PDZD2: variants seen among roughly 807,000 people sequenced by gnomAD.
PDZD2 encodes PDZ domain containing 2.
In PDZD2, 90 loss-of-function variants were observed where a neutral mutation model predicts 220.7. The ratio of observed to expected loss-of-function variants is 0.41; its 90% confidence interval spans 0.34 to 0.49. PDZD2 has a LOEUF of 0.49. Ranked by LOEUF, PDZD2 falls within the 20% of genes least tolerant of loss-of-function variation. The probability of loss-of-function intolerance (pLI) is 0.28; values close to 1 mark genes in which losing one functional copy is unlikely to be tolerated. For synonymous variants in PDZD2, 1,375 were observed against 1,450.5 expected (o/e 0.95, Z 1.18); for missense variants, 3,174 against 3,608.5 (o/e 0.88, Z 3.08).
rs1051556531 is a variant in PDZD2, at chr5:31,757,319, C to T, written c.-360-41570C>T. 2.0e-5 allele frequency among the ~76,000 whole-genome samples: 3 copies of T among 151,790 alleles called. No homozygotes were observed. The East Asian group carries it at 5.8e-4, about 30-fold the overall frequency. On this transcript the variant is annotated intron_variant, in intron 1 of 24. Coordinates refer to ENST00000438447, the MANE Select transcript of PDZD2 (RefSeq NM_178140.4). ...AAACAAACAAATAAAAGGCCAGGCA[C>T]GGTGGCTCACGCCGGTAATCCCAGC...
At position 31,849,887 on chromosome 5, in the gene PDZD2, TAC is replaced by T. The variant is rs201045110; in HGVS notation, c.476+50167_476+50168del. On this transcript the variant is annotated intron_variant, in intron 2 of 24. Coordinates refer to ENST00000438447, the MANE Select transcript of PDZD2 (RefSeq NM_178140.4). ...ATATATATACATATATATATATATA[TAC>T]ACATATATATATATACATATATATA... Among the ~76,000 whole-genome samples, 15 of 42,356 alleles carry T rather than the reference TAC, an allele frequency of 3.5e-4. 3 individuals are homozygous for T. Among genetic ancestry groups the T allele is most frequent in the African/African-American group, 2.0e-3 (11 of 5,490 alleles). The allele number at this position is 42,356 out of a possible 152,430, so 27.8% of individuals were successfully genotyped here.
chr5:31,679,793 G>T (rs1746581897), intron 1 of PDZD2, among the ~76,000 whole-genome samples: 2 of 152,202 alleles, frequency 1.3e-5, no homozygotes, highest in South Asian at 4.1e-4. Flanking sequence ...TTACAGGCAT[G>T]AGCCACCATG....
At chr5:32,032,003 C>T (rs1297957356) in intron 6 of PDZD2, among the ~76,000 whole-genome samples, 1 of 152,196 alleles carries the variant, frequency 6.6e-6, no homozygotes, top group Non-Finnish European at 1.5e-5. Flanking sequence ...TTGAGCAGAA[C>T]AAGTTTCCAT....
intron 1 of PDZD2, among the ~76,000 whole-genome samples, chr5:31,778,027 G>A (rs1228532085): frequency 6.6e-6 from 1 of 152,122 alleles, no homozygotes; most frequent in Non-Finnish European, 1.5e-5. Flanking sequence ...CTCGGGGATT[G>A]TAAACGCACC....
chr5:31,817,327 C>G (rs945366963), intron 2 of PDZD2, among the ~76,000 whole-genome samples: 2 of 151,840 alleles, frequency 1.3e-5, no homozygotes, highest in South Asian at 4.2e-4. Context: ...AACCCTGTCT[C>G]TACTAAAAAT....
At position 32,087,556 on chromosome 5, in the gene PDZD2, C is replaced by A; in HGVS notation, c.4108C>A (p.Pro1370Thr). The A allele has an allele frequency of 6.2e-7, 1 of 1,613,876 alleles. No individual in the cohort carries two copies. ...TCTGGAAATGACAGGAATCCATGCACCTGAAAGCTCCCAGGAGCCTTCCCT... is the reference window on the plus strand; with the variant it reads ...TCTGGAAATGACAGGAATCCATGCAACTGAAAGCTCCCAGGAGCCTTCCCT... ...KALEMTGIHA[P>T]ESSQEPSLLE... is the part of the protein sequence containing the mutation. Residue 1370 changes from proline (P) to threonine (T), a missense_variant, in exon 20 of 25, where the codon CCT becomes ACT. Around this residue, in one of 4 missense-constraint regions of PDZD2, gnomAD observed 1,861 missense variants for 2,001.0 expected, o/e 0.93. Transcript: ENST00000438447. The surrounding 1 kb of genome is among the most constrained non-coding windows in gnomAD (Gnocchi z 4.0).
At chr5:31,733,556 G>A (rs544688405) in intron 1 of PDZD2, among the ~76,000 whole-genome samples, 1 of 152,260 alleles carries the variant, frequency 6.6e-6, no homozygotes, top group East Asian at 1.9e-4. Context: ...AGTCTATTCT[G>A]GGACTTTTTC....
At chr5:31,907,898 T>A (rs1742801655) in intron 2 of PDZD2, among the ~76,000 whole-genome samples, 1 of 151,556 alleles carries the variant, frequency 6.6e-6, no homozygotes, top group East Asian at 2.0e-4. Flanking sequence ...GCCTGGCCAA[T>A]ATGGTGAAAC....
intron 2 of PDZD2, among the ~76,000 whole-genome samples, chr5:31,832,825 T>G (rs1428911512): frequency 6.6e-6 from 1 of 152,032 alleles, no homozygotes; most frequent in Non-Finnish European, 1.5e-5. Flanking sequence ...CAAAAAAAAT[T>G]AAAATGGTCA....
chr5:31,916,533 G>A (rs1205942791), intron 2 of PDZD2, among the ~76,000 whole-genome samples: 4 of 152,248 alleles, frequency 2.6e-5, no homozygotes, highest in Admixed American at 6.5e-5. Flanking sequence ...TGAGTTAGGT[G>A]TGGTGTTCTT....
intron 1 of PDZD2, among the ~76,000 whole-genome samples, chr5:31,689,190 T>TC (rs1746994395): frequency 6.6e-6 from 1 of 151,354 alleles, no homozygotes; most frequent in South Asian, 2.1e-4. Flanking sequence ...TGCCTCAGCC[T>TC]CCTGAGTAGC....
chr5:31,822,470 A>G (rs897907700), intron 2 of PDZD2: 18 of 428,310 alleles, frequency 4.2e-5, no homozygotes, highest in Non-Finnish European at 4.3e-5. Flanking sequence ...CCAAATCAAT[A>G]GGTCTTTTAT....
At chr5:31,930,203 T>A (rs1407584353) in intron 2 of PDZD2, among the ~76,000 whole-genome samples, 1 of 19,310 alleles carries the variant, frequency 5.2e-5, no homozygotes, top group East Asian at 3.0e-3. Flanking sequence ...ATTCTTTTTT[T>A]TTTTTTTTTT....
At chr5:31,718,717 T>C (rs868690030) in intron 1 of PDZD2, among the ~76,000 whole-genome samples, 1,819 of 148,710 alleles carry the variant, frequency 0.012, 14 homozygotes, top group African/African-American at 0.043. Context: ...TTTTTTTTTT[T>C]TTGAGATGGA....
At chr5:31,986,052 G>A (rs1314949397) in intron 3 of PDZD2, among the ~76,000 whole-genome samples, 2 of 127,894 alleles carry the variant, frequency 1.6e-5, no homozygotes, top group Admixed American at 9.0e-5. Context: ...TCCAGCTTGG[G>A]CAACAAGAGC....
chr5:31,920,234 T>C (rs12110032), intron 2 of PDZD2, among the ~76,000 whole-genome samples: 74,774 of 151,734 alleles, frequency 0.49, 19,054 homozygotes, highest in African/African-American at 0.61. Flanking sequence ...TAGTGGGCTA[T>C]GAGCGCGCCA....
intron 2 of PDZD2, among the ~76,000 whole-genome samples, chr5:31,818,773 G>A (rs1011148777): frequency 3.3e-5 from 5 of 152,238 alleles, no homozygotes; most frequent in African/African-American, 1.2e-4. Context: ...GCATTTTAAA[G>A]AAAAGAACAA....
chr5:31,938,640 G>A (rs918922360), intron 2 of PDZD2, among the ~76,000 whole-genome samples: 1 of 120,634 alleles, frequency 8.3e-6, no homozygotes, highest in East Asian at 2.0e-4. Flanking sequence ...CAATCTGAGA[G>A]CATTTGGTGT....
rs763532988 is a variant in PDZD2 at position 32,060,993 on chromosome 5, C to G, written c.2319-9C>G. ...TAACACAGAGTGTGGATTCTGTTGC[C>G]CTCCCTAGCCGCGGGGATCAAATCC... On this transcript the variant is annotated splice_polypyrimidine_tract_variant and intron_variant, in intron 13 of 24. Transcript: ENST00000438447. The G allele has an allele frequency of 6.2e-7, 1 of 1,613,990 alleles. No individual in the cohort carries two copies. The highest frequency in any genetic ancestry group is 1.1e-5 in the South Asian group (1 of 91,066).
Sources: allele counts gnomAD v4.1 joint callset (sites outside exome capture counted in the v4.1 genomes callset), GRCh38; gene constraint gnomAD v4.1.1; regional missense constraint gnomAD v4.1.1; non-coding constraint Gnocchi (gnomAD v3.1); transcripts MANE v1.5; gene names NCBI Gene and HGNC (gene_info 2026-07-23, HGNC 2026-07-21).